Variants in GTF2IRD1 observed in about 807,000 individuals in gnomAD.
GTF2IRD1 encodes the protein general transcription factor II-I repeat domain-containing protein 1.
Under a neutral mutation model 113.2 loss-of-function variants are expected in GTF2IRD1, and 26 were observed. That is an observed-to-expected ratio of 0.23 (90% confidence interval 0.17 to 0.32). GTF2IRD1 has a LOEUF of 0.32. Ranked by LOEUF, GTF2IRD1 falls within the 10% of genes least tolerant of loss-of-function variation. The pLI, the probability that GTF2IRD1 is intolerant of heterozygous loss-of-function variation, is 1.00. For missense variants in GTF2IRD1, 864 were observed against 1,280.8 expected (o/e 0.67, Z 4.97); for synonymous variants, 484 against 529.1 (o/e 0.91, Z 1.17).
At chr7:74,556,490 T>A (rs1440568147) in intron 19 of GTF2IRD1, among the ~76,000 whole-genome samples, 1 of 150,812 alleles carries the variant, frequency 6.6e-6, no homozygotes, top group Non-Finnish European at 1.5e-5. Flanking sequence ...CCGGCTAATT[T>A]TTGTATTTTT....
chr7:74,590,152 C>G (rs142474930), intron 23 of GTF2IRD1, among the ~76,000 whole-genome samples: 158 of 152,182 alleles, frequency 1.0e-3, no homozygotes, highest in Admixed American at 1.8e-3. Flanking sequence ...CGTATCTCCG[C>G]TCACTGCAGC....
intron 7 of GTF2IRD1, 76 bp from the exon 8 acceptor site, chr7:74,523,995 C>T (rs1240084586): frequency 1.6e-5 from 16 of 1,031,572 alleles, no homozygotes; most frequent in East Asian, 1.0e-4. Context: ...GGTGAAAGCC[C>T]GGTGGTCATG....
At chr7:74,556,860 G>A (rs1323524029) in intron 19 of GTF2IRD1, among the ~76,000 whole-genome samples, 6 of 151,708 alleles carry the variant, frequency 4.0e-5, no homozygotes, top group South Asian at 4.2e-4. Context: ...CTGCCCTCAG[G>A]TGATCCTCCT....
intron 8 of GTF2IRD1, among the ~76,000 whole-genome samples, chr7:74,525,018 CAG>C (rs1456209803): frequency 2.0e-5 from 3 of 152,198 alleles, no homozygotes; most frequent in African/African-American, 7.2e-5. Context: ...GCCTGGGTGA[CAG>C]AGCGAGACCC....
intron 4 of GTF2IRD1, among the ~76,000 whole-genome samples, chr7:74,517,111 C>A (rs1554344810): frequency 6.6e-6 from 1 of 152,028 alleles, no homozygotes. Context: ...ACAACCTCCC[C>A]CTCCTGGGTT....
rs782474131 is a variant in GTF2IRD1, at chr7:74,601,731, G to A, written c.2766+551G>A. ...TGGGAGGCAGAGGTTGCAATGAGCC[G>A]AGGTCGCGCCATTGCACTGCAGCCT... On this transcript the variant is annotated intron_variant, in intron 26 of 26. Coordinates refer to ENST00000424337, the MANE Select transcript of GTF2IRD1 (RefSeq NM_005685.4). 27 of 218,536 alleles carry A rather than the reference G, an allele frequency of 1.2e-4. No individual in the cohort carries two copies. The East Asian group carries it at 2.4e-3, about 19-fold the overall frequency. 13.5% of individuals were successfully genotyped at this position (218,536 alleles called of 1,614,324 possible).
chr7:74,468,557 G>A (rs1393599571), intron 1 of GTF2IRD1, among the ~76,000 whole-genome samples: 1 of 151,552 alleles, frequency 6.6e-6, no homozygotes, highest in East Asian at 1.9e-4. Context: ...TACTTGGGAG[G>A]CTGAGACAGG....
chr7:74,483,372 T>TAA (rs537142027), intron 1 of GTF2IRD1, among the ~76,000 whole-genome samples: 2 of 146,594 alleles, frequency 1.4e-5, no homozygotes, highest in African/African-American at 5.0e-5. Flanking sequence ...GCCCCATCTC[T>TAA]AAAAAAAAAA....
chr7:74,580,226 G>A (rs1801330949), intron 22 of GTF2IRD1, among the ~76,000 whole-genome samples: 2 of 152,170 alleles, frequency 1.3e-5, no homozygotes, highest in South Asian at 2.1e-4. Flanking sequence ...CGCTGCAGCC[G>A]TGAACTCTGC....
At chr7:74,485,770 T>A (rs114939458) in intron 1 of GTF2IRD1, among the ~76,000 whole-genome samples, 2,774 of 151,510 alleles carry the variant, frequency 0.018, 78 homozygotes, top group African/African-American at 0.063. Context: ...AAAAATTTTT[T>A]AAAAAATTAG....
In GTF2IRD1 at chr7:74,512,258, A is replaced by G. The variant is rs1212898528; in HGVS notation, c.124-572A>G. ...TCCCAGCTACTCGGGAGGCTGAGGC[A>G]GGAGAATCGCTTGAACCTGGGAGGC... On this transcript the variant is annotated intron_variant, in intron 2 of 26. Transcript: ENST00000424337. The surrounding 1 kb of genome is among the most constrained non-coding windows in gnomAD (Gnocchi z 4.4). Among the ~76,000 whole-genome samples, 1 of 152,234 alleles carries G rather than the reference A, an allele frequency of 6.6e-6. No homozygotes were observed. The highest frequency in any genetic ancestry group is 1.5e-5 in the Non-Finnish European group (1 of 68,038).
chr7:74,547,430 A>T, intron 17 of GTF2IRD1, 144 bp downstream of exon 17: 1 of 532,292 alleles, frequency 1.9e-6, no homozygotes, highest in Non-Finnish European at 3.2e-6. Flanking sequence ...GTGTGCCACC[A>T]TGCCCAGCCT....
intron 11 of GTF2IRD1, among the ~76,000 whole-genome samples, chr7:74,536,809 A>G (rs183337598): frequency 1.3e-4 from 20 of 150,236 alleles, no homozygotes; most frequent in Middle Eastern, 3.6e-3. Flanking sequence ...CTATCTCAAA[A>G]TAAATACATG....
At chr7:74,456,607 C>G (rs782674029) in intron 1 of GTF2IRD1, among the ~76,000 whole-genome samples, 1 of 151,814 alleles carries the variant, frequency 6.6e-6, no homozygotes, top group Non-Finnish European at 1.5e-5. Flanking sequence ...CGCTTGAACC[C>G]GGGAGGTGGA....
At chr7:74,545,993 T>C (rs1798902969) in intron 16 of GTF2IRD1, among the ~76,000 whole-genome samples, 184 bp downstream of exon 16, 1 of 152,020 alleles carries the variant, frequency 6.6e-6, no homozygotes, top group East Asian at 1.9e-4. Flanking sequence ...CTAGAGAGGC[T>C]GTCACTCAGG....
At chr7:74,486,051 A>C (rs1795005883) in intron 1 of GTF2IRD1, among the ~76,000 whole-genome samples, 1 of 151,672 alleles carries the variant, frequency 6.6e-6, no homozygotes, top group Non-Finnish European at 1.5e-5. Context: ...GCTCACTGCA[A>C]CCTCCGCCTC....
At chr7:74,534,162 A>G (rs1798141915) in intron 9 of GTF2IRD1, among the ~76,000 whole-genome samples, 2 of 152,346 alleles carry the variant, frequency 1.3e-5, no homozygotes, top group Middle Eastern at 3.4e-3. Context: ...GGATAAACGA[A>G]TAAGTCATTC....
intron 1 of GTF2IRD1, among the ~76,000 whole-genome samples, chr7:74,480,277 C>G (rs1794657839): frequency 6.6e-6 from 1 of 152,152 alleles, no homozygotes; most frequent in Admixed American, 6.5e-5. Flanking sequence ...GTATTGGTGC[C>G]TGTGAGCTGG....
rs1419336210 is a variant in GTF2IRD1 at position 74,519,690 on chromosome 7, C to G, written c.887C>G (p.Thr296Ser). 2 of 1,588,790 alleles carry G rather than the reference C, an allele frequency of 1.3e-6. No homozygotes were observed. The highest frequency in any genetic ancestry group is 1.7e-6 in the Non-Finnish European group (2 of 1,168,020). The change falls in exon 6 of 27, where the codon ACC becomes AGC. Residue 296 changes from threonine to serine, a missense_variant. Transcript: ENST00000424337. The stretch of plus-strand genomic sequence containing the variant: ...CGGCCCATGCCAGAGCCCAAGGCCA[C>G]CGGTGCCCAAGACTTCTCCGACTGT... ...LSRPMPEPKATGAQDFSDCCG... is the reference protein window; with the variant it reads ...LSRPMPEPKASGAQDFSDCCG...
Sources: allele counts gnomAD v4.1 joint callset (sites outside exome capture counted in the v4.1 genomes callset), GRCh38; gene constraint gnomAD v4.1.1; non-coding constraint Gnocchi (gnomAD v3.1); transcripts MANE v1.5; gene names NCBI Gene and HGNC (gene_info 2026-07-23, HGNC 2026-07-21).